SLAIN1: variants seen among roughly 807,000 people sequenced by gnomAD.
SLAIN1 encodes the protein SLAIN family member 1.
In SLAIN1, 17 loss-of-function variants were observed where a neutral mutation model predicts 55.4. The ratio of observed to expected loss-of-function variants is 0.31; its 90% CI spans 0.21 to 0.46. The LOEUF (loss-of-function observed/expected upper bound fraction) is 0.46. Ranked by LOEUF, SLAIN1 falls within the 20% of genes least tolerant of loss-of-function variation. The pLI, the probability that SLAIN1 is intolerant of heterozygous loss-of-function variation, is 1.00. For missense variants in SLAIN1, 682 were observed against 785.1 expected (o/e 0.87, Z 1.57); for synonymous variants, 348 against 337.4 (o/e 1.03, Z -0.35).
At chr13:77,748,805 C>T (rs1275669618) in intron 4 of SLAIN1, among the ~76,000 whole-genome samples, 1 of 152,152 alleles carries the variant, frequency 6.6e-6, no homozygotes, top group Admixed American at 6.6e-5. Context: ...TGTTTCTCAA[C>T]TGTCTAAGGT....
At chr13:77,717,824 G>T (rs1386832463) in intron 1 of SLAIN1, among the ~76,000 whole-genome samples, 1 of 152,062 alleles carries the variant, frequency 6.6e-6, no homozygotes, top group Non-Finnish European at 1.5e-5. Context: ...AACTTTTAAG[G>T]GGTGTGGTTT....
At chr13:77,754,348 A>G (rs189726062) in intron 5 of SLAIN1, among the ~76,000 whole-genome samples, 25 of 152,320 alleles carry the variant, frequency 1.6e-4, no homozygotes, top group Admixed American at 1.6e-3. Flanking sequence ...TGTGCTAACT[A>G]GTTTATATTC....
intron 2 of SLAIN1, among the ~76,000 whole-genome samples, chr13:77,738,196 CCA>C (rs1184701501): frequency 1.2e-4 from 18 of 146,920 alleles, no homozygotes; most frequent in African/African-American, 2.3e-4. Flanking sequence ...ACACACACAC[CCA>C]CACACACACA....
At chr13:77,711,255 A>G (rs1416816941) in intron 1 of SLAIN1, among the ~76,000 whole-genome samples, 1 of 152,128 alleles carries the variant, frequency 6.6e-6, no homozygotes, top group African/African-American at 2.4e-5. Context: ...GAGACATGAA[A>G]AACCCTTTTA....
Position 77,753,254 on chromosome 13 carries a change from C to G in SLAIN1, c.1310C>G (p.Ala437Gly), listed in dbSNP as rs774796715. The change falls in exon 5 of 7, where the codon GCC becomes GGC. Residue 437 changes from alanine to glycine, a missense_variant. By Grantham distance (60) the Ala-to-Gly change is moderately conservative (BLOSUM62 0). This residue lies in a region of SLAIN1 where 244 missense variants were observed against 295.2 expected (regional missense o/e 0.83). Transcript: ENST00000418532. Reference sequence around the variant, plus strand: ...CTAGCCCGGATGCCAAGTACAACTGCCATTAGTAGCAACATTAGTTCTCCG... The same window carrying G: ...CTAGCCCGGATGCCAAGTACAACTGGCATTAGTAGCAACATTAGTTCTCCG... ...PNLARMPSTT[A>G]ISSNISSPVT... The G allele has an allele frequency of 3.7e-6, 6 of 1,612,702 alleles. No homozygotes were observed. The highest frequency in any genetic ancestry group is 5.1e-6 in the Non-Finnish European group (6 of 1,179,454).
intron 2 of SLAIN1, chr13:77,743,017 T>C (rs1342002890): frequency 1.6e-6 from 2 of 1,290,122 alleles, no homozygotes; most frequent in Non-Finnish European, 2.0e-6. Context: ...CTGTGACAGC[T>C]AGCCGATGGC....
At chr13:77,731,654 C>T (rs8002420) in intron 2 of SLAIN1, among the ~76,000 whole-genome samples, 19 of 152,046 alleles carry the variant, frequency 1.2e-4, no homozygotes, top group African/African-American at 4.3e-4. Flanking sequence ...ACTTTCTTTA[C>T]CTTGGTCCTG....
chr13:77,749,633 C>T (rs1268215080), intron 4 of SLAIN1, among the ~76,000 whole-genome samples: 1 of 152,146 alleles, frequency 6.6e-6, no homozygotes, highest in Non-Finnish European at 1.5e-5. Flanking sequence ...TGCATCTCAG[C>T]CCTTGAAGAT....
Position 77,760,895 on chromosome 13 carries a change from G to C in SLAIN1, c.1482G>C (p.Gln494His). Residue 494 changes from glutamine (Q) to histidine (H), a missense_variant, in exon 6 of 7, where the codon CAG (glutamine) becomes CAC (histidine). This residue lies in a region of SLAIN1 where 244 missense variants were observed against 295.2 expected (regional missense o/e 0.83). Transcript: ENST00000418532. ...SVGHFPVSIR[Q>H]PLKATAYVSP... The stretch of plus-strand genomic sequence containing the variant: ...GGCATTTCCCAGTGTCTATCCGACA[G>C]CCTCTTAAAGCCACAGCCTATGTGA... 6.2e-7 allele frequency: 1 copy of C among 1,614,146 alleles called. No individual in the cohort carries two copies. Among genetic ancestry groups the C allele is most frequent in the South Asian group, 1.1e-5 (1 of 91,084 alleles).
Position 77,697,776 on chromosome 13 carries a change from G to A in SLAIN1, c.-138G>A, listed in dbSNP as rs953609147. The stretch of plus-strand genomic sequence containing the variant: ...CGAGGGCCCGGTGCTGATGCGAACC[G>A]CCGGCTCGGCCTCAGCCCGCGCGTG... On this transcript the variant is annotated 5_prime_UTR_variant, in exon 1 of 7. Coordinates refer to ENST00000418532, the MANE Select transcript of SLAIN1 (RefSeq NM_001242868.2). The A allele has an allele frequency of 1.9e-5, 18 of 928,986 alleles. No homozygotes were observed. The highest frequency in any genetic ancestry group is 4.5e-5 in the East Asian group (1 of 22,060). 57.5% of individuals were successfully genotyped at this position (928,986 alleles called of 1,614,324 possible).
chr13:77,729,674 C>T (rs2091339266), intron 2 of SLAIN1, among the ~76,000 whole-genome samples: 1 of 152,046 alleles, frequency 6.6e-6, no homozygotes, highest in Non-Finnish European at 1.5e-5. Flanking sequence ...GTGCTAAATA[C>T]AGGGTGCAGT....
At chr13:77,755,982 G>C (rs1379924085) in intron 5 of SLAIN1, among the ~76,000 whole-genome samples, 3 of 152,150 alleles carry the variant, frequency 2.0e-5, no homozygotes. Context: ...AAGAACAGAG[G>C]TAGGATAGAG....
intron 6 of SLAIN1, among the ~76,000 whole-genome samples, chr13:77,761,990 T>C (rs370576102): frequency 7.9e-5 from 12 of 152,360 alleles, no homozygotes; most frequent in African/African-American, 2.4e-4. Context: ...AATTTTTTTC[T>C]GTCTTTATGC....
chr13:77,762,824 G>C (rs538857589), intron 6 of SLAIN1, among the ~76,000 whole-genome samples: 1 of 152,148 alleles, frequency 6.6e-6, no homozygotes, highest in East Asian at 1.9e-4. Flanking sequence ...ATGTTTTTAG[G>C]TCATTTTTCT....
chr13:77,716,650 G>A (rs1566225284), intron 1 of SLAIN1, among the ~76,000 whole-genome samples: 1 of 152,048 alleles, frequency 6.6e-6, no homozygotes, highest in East Asian at 1.9e-4. Context: ...AATGAAAAGT[G>A]AAATTTTAAA....
chr13:77,764,144 G>A lies in SLAIN1; in HGVS notation c.*924G>A, dbSNP rs1316282443. ...ACAAAATCCATTTGCACTAATGAATGCTTTCTTATGGCATATAACTTAATA... is the reference window on the plus strand; with the variant it reads ...ACAAAATCCATTTGCACTAATGAATACTTTCTTATGGCATATAACTTAATA... On this transcript the variant is annotated 3_prime_UTR_variant, in exon 7 of 7. Transcript: ENST00000418532. 6.6e-6 allele frequency: 1 copy of A among 152,530 alleles called. No homozygotes were observed. The highest frequency in any genetic ancestry group is 1.5e-5 in the Non-Finnish European group (1 of 67,990). The allele number at this position is 152,530 out of a possible 1,614,324, so 9.4% of individuals were successfully genotyped here. A position where few individuals can be genotyped will look rare whatever the true frequency, so the allele number is the denominator to read the frequency against.
intron 1 of SLAIN1, among the ~76,000 whole-genome samples, chr13:77,708,804 G>A (rs890138478): frequency 1.3e-5 from 2 of 151,934 alleles, no homozygotes; most frequent in African/African-American, 4.8e-5. Flanking sequence ...CGAAGATGAG[G>A]AAAAAACAGT....
intron 6 of SLAIN1, 98 bp from the exon 7 acceptor site, chr13:77,763,047 C>A: frequency 1.0e-6 from 1 of 978,530 alleles, no homozygotes; most frequent in Non-Finnish European, 1.6e-6. Context: ...CTCATTACTG[C>A]AGTGGAAGAA....
chr13:77,740,128 G>A (rs2154410258), intron 2 of SLAIN1, among the ~76,000 whole-genome samples: 1 of 152,174 alleles, frequency 6.6e-6, no homozygotes, highest in Non-Finnish European at 1.5e-5. Context: ...GTCTGTAAGG[G>A]TGGTAGTGAA....
Sources: gnomAD v4.1 joint callset for allele counts (sites outside exome capture counted in the v4.1 genomes callset) on GRCh38, gnomAD v4.1.1 for gene constraint, gnomAD v4.1.1 regional missense constraint, MANE v1.5 for transcripts, NCBI Gene and HGNC (gene_info 2026-07-23, HGNC 2026-07-21) for gene names.